The following NSD1 variants were observed in gnomAD, a reference collection of about 807,000 sequenced individuals.
The protein encoded by NSD1 is histone-lysine N-methyltransferase, H3 lysine-36 specific.
A neutral mutation model predicts 242.7 loss-of-function variants in NSD1; 26 were observed. The ratio of observed to expected loss-of-function variants is 0.11; its 90% CI spans 0.08 to 0.15. The LOEUF (loss-of-function observed/expected upper bound fraction) is 0.15, where lower values mean the gene tolerates loss of function less well. Ranked by LOEUF, NSD1 falls within the 10% of genes least tolerant of loss-of-function variation. NSD1 has a pLI of 1.00. For missense variants in NSD1, 2,495 were observed against 3,272.8 expected (o/e 0.76, Z 5.80); for synonymous variants, 1,106 against 1,178.1 (o/e 0.94, Z 1.25).
intron 17 of NSD1, among the ~76,000 whole-genome samples, chr5:177,280,309 A>G (rs1276827130): frequency 6.8e-6 from 1 of 146,736 alleles, no homozygotes; most frequent in African/African-American, 2.5e-5. Context: ...GAATCTCAAC[A>G]TATCGGCCAG....
In NSD1 at chr5:177,134,559, C is replaced by T. The variant is rs971882219; in HGVS notation, c.-17-528C>T. The stretch of plus-strand genomic sequence containing the variant: ...AGCTCTGGGGTGCAGCCGCCTCGGC[C>T]GGCTCGCCTGCGGCCTGCGCACCGC... On this transcript the variant is annotated intron_variant, in intron 1 of 22. Coordinates refer to ENST00000439151, the MANE Select transcript of NSD1 (RefSeq NM_022455.5). The surrounding 1 kb of genome is among the most constrained non-coding windows in gnomAD (Gnocchi z 4.2). Among the ~76,000 whole-genome samples the T allele has an allele frequency of 1.3e-5, 2 of 152,210 alleles. No homozygotes were observed. The highest frequency in any genetic ancestry group is 4.8e-5 in the African/African-American group (2 of 41,466).
chr5:177,256,566 A>C (rs1404567852), intron 12 of NSD1, among the ~76,000 whole-genome samples: 1 of 152,166 alleles, frequency 6.6e-6, no homozygotes, highest in Non-Finnish European at 1.5e-5. Context: ...TGTAGGCGTG[A>C]GCCTCCTCTC....
intron 2 of NSD1, among the ~76,000 whole-genome samples, chr5:177,180,229 C>T (rs963728835): frequency 6.6e-6 from 1 of 151,060 alleles, no homozygotes; most frequent in African/African-American, 2.4e-5. Context: ...CAAGTAGCTG[C>T]GATTACAGGC....
At chr5:177,167,664 C>T (rs575157895) in intron 2 of NSD1, among the ~76,000 whole-genome samples, 6 of 152,226 alleles carry the variant, frequency 3.9e-5, no homozygotes, top group East Asian at 3.9e-4. Flanking sequence ...TCTGCTTCTG[C>T]GAGTTCTTCA....
intron 3 of NSD1, among the ~76,000 whole-genome samples, chr5:177,194,185 CA>C (rs1761918030): frequency 6.6e-6 from 1 of 152,104 alleles, no homozygotes; most frequent in African/African-American, 2.4e-5. Flanking sequence ...TCCTTTATCA[CA>C]AACAGAACAT....
At chr5:177,235,997 T>G (rs1765410518) in intron 6 of NSD1, 52 bp downstream of exon 6, 2 of 1,594,278 alleles carry the variant, frequency 1.3e-6, no homozygotes. Flanking sequence ...AAACTGCAAT[T>G]TTATCTTCAA....
chr5:177,191,823 G>T, intron 2 of NSD1, 61 bp from the exon 3 acceptor site: 1 of 1,564,616 alleles, frequency 6.4e-7, no homozygotes, highest in South Asian at 1.1e-5. Flanking sequence ...TAATAGGAAT[G>T]ACAATAATGT....
rs1423562310 is a variant in NSD1 at position 177,238,212 on chromosome 5, C to T, written c.3922-25C>T. The T allele has an allele frequency of 1.2e-6, 2 of 1,613,792 alleles. No individual in the cohort carries two copies. Among genetic ancestry groups the T allele is most frequent in the African/African-American group, 2.7e-5 (2 of 74,880 alleles). On this transcript the variant is annotated intron_variant, in intron 6 of 22. Transcript: ENST00000439151. This position sits in a 1 kb window ranked among gnomAD's most constrained non-coding sequence, Gnocchi z 4.6. Reference sequence around the variant, plus strand: ...AATTACAACAATTTTGGCCTGTGGACTCTATTTTTATTTTTTGTTCTTAGG... The same window carrying T: ...AATTACAACAATTTTGGCCTGTGGATTCTATTTTTATTTTTTGTTCTTAGG...
At position 177,240,436 on chromosome 5, in the gene NSD1, G is replaced by A. The variant is rs571806106; in HGVS notation, c.4302+571G>A. Among the ~76,000 whole-genome samples the A allele has an allele frequency of 2.0e-5, 3 of 152,134 alleles. No individual in the cohort carries two copies. The South Asian group carries it at 6.2e-4, about 32-fold the overall frequency. On this transcript the variant is annotated intron_variant, in intron 8 of 22. Transcript: ENST00000439151. ...CAAGAAATCTAGTGTGATGGTGGCC[G>A]GGCGCAGTGGCTCATGCCTGTAATC... is the stretch of plus-strand genomic sequence containing the variant.
At chr5:177,251,528 C>T (rs574897788) in intron 11 of NSD1, among the ~76,000 whole-genome samples, 41 of 152,268 alleles carry the variant, frequency 2.7e-4, no homozygotes, top group Non-Finnish European at 5.3e-4. Flanking sequence ...AAATGAATAC[C>T]TGATTTTAGC....
At chr5:177,221,320 A>C (rs1435082643) in intron 5 of NSD1, among the ~76,000 whole-genome samples, 1 of 149,046 alleles carries the variant, frequency 6.7e-6, no homozygotes, top group South Asian at 2.1e-4. Flanking sequence ...TTTAATTGAC[A>C]TACTTTGTTT....
At chr5:177,198,945 A>G (rs1762304223) in intron 3 of NSD1, among the ~76,000 whole-genome samples, 1 of 152,208 alleles carries the variant, frequency 6.6e-6, no homozygotes, top group African/African-American at 2.4e-5. Context: ...TTAAGCAACC[A>G]CTAATGTACT....
At chr5:177,242,521 A>G (rs1765958593) in intron 8 of NSD1, among the ~76,000 whole-genome samples, 1 of 150,544 alleles carries the variant, frequency 6.6e-6, no homozygotes, top group African/African-American at 2.4e-5. Flanking sequence ...TTTATTATTT[A>G]TTTATTTATT....
Position 177,269,336 on chromosome 5 carries a change from TA to T in NSD1, c.5304-265del, listed in dbSNP as rs1230319392. ...TTATTGTCATAACTCTCTGTTCCTA[TA>T]TCATTATTTCCTTTAAGTAGAATCC... On this transcript the variant is annotated intron_variant, in intron 15 of 22. Transcript: ENST00000439151. The surrounding 1 kb of genome is among the most constrained non-coding windows in gnomAD (Gnocchi z 5.1). Among the ~76,000 whole-genome samples, 1 of 152,208 alleles carries T rather than the reference TA, an allele frequency of 6.6e-6. No homozygotes were observed. The highest frequency in any genetic ancestry group is 6.5e-5 in the Admixed American group (1 of 15,278).
intron 2 of NSD1, among the ~76,000 whole-genome samples, chr5:177,148,492 C>G (rs1157512422): frequency 1.3e-5 from 2 of 149,738 alleles, no homozygotes; most frequent in Non-Finnish European, 3.0e-5. Context: ...TGGCGCGATC[C>G]TGGCTCACTG....
chr5:177,159,398 T>C (rs1267483110), intron 2 of NSD1, among the ~76,000 whole-genome samples: 11 of 150,924 alleles, frequency 7.3e-5, no homozygotes, highest in Admixed American at 2.0e-4. Flanking sequence ...TTCCGGTGCC[T>C]CAGCTTCCCA....
intron 2 of NSD1, among the ~76,000 whole-genome samples, chr5:177,149,865 G>A (rs980602905): frequency 8.5e-5 from 13 of 152,108 alleles, no homozygotes; most frequent in Non-Finnish European, 1.2e-4. Flanking sequence ...CCATTCTGTG[G>A]CCTGGGCGTT....
intron 5 of NSD1, 32 bp from the exon 6 acceptor site, chr5:177,235,789 G>T: frequency 6.2e-7 from 1 of 1,613,514 alleles, no homozygotes; most frequent in Non-Finnish European, 8.5e-7. Context: ...GAAGCTTTTT[G>T]ATTAATGTTG....
chr5:177,219,633 A>AC (rs1764081977), intron 5 of NSD1, among the ~76,000 whole-genome samples: 1 of 152,124 alleles, frequency 6.6e-6, no homozygotes, highest in African/African-American at 2.4e-5. Flanking sequence ...TGTGACTGGA[A>AC]CAGATACTTG....
Sources: allele counts gnomAD v4.1 joint callset (sites outside exome capture counted in the v4.1 genomes callset), GRCh38; gene constraint gnomAD v4.1.1; non-coding constraint Gnocchi (gnomAD v3.1); transcripts MANE v1.5; gene names NCBI Gene and HGNC (gene_info 2026-07-23, HGNC 2026-07-21).